SCAMP5: variants seen among roughly 807,000 people sequenced by gnomAD.
SCAMP5 encodes the protein secretory carrier-associated membrane protein 5.
A neutral mutation model predicts 28.3 loss-of-function variants in SCAMP5; 7 were observed. The ratio of observed to expected loss-of-function variants is 0.25; its 90% CI spans 0.14 to 0.46. The LOEUF (loss-of-function observed/expected upper bound fraction) is 0.46, where lower values mean the gene tolerates loss of function less well. Among genes scored for constraint, SCAMP5 ranks in the 20% least tolerant of loss-of-function variants. The pLI is 0.99. For synonymous variants in SCAMP5, 117 were observed against 116.4 expected (o/e 1.00, Z -0.03); for missense variants, 192 against 312.5 (o/e 0.61, Z 2.91).
intron 1 of SCAMP5, among the ~76,000 whole-genome samples, chr15:75,008,109 G>A (rs1015051355): frequency 6.6e-5 from 10 of 151,876 alleles, no homozygotes; most frequent in African/African-American, 2.4e-4. Context: ...TCTTGTCTGT[G>A]AGATTGTTAT....
Position 75,018,811 on chromosome 15 carries a change from G to C in SCAMP5, c.536G>C (p.Ser179Thr). 1 of 1,605,348 alleles carries C rather than the reference G, an allele frequency of 6.2e-7. No individual in the cohort carries two copies. Among genetic ancestry groups the C allele is most frequent in the Non-Finnish European group, 8.5e-7 (1 of 1,177,586 alleles). The change falls in exon 7 of 7, where the codon AGT (serine) becomes ACT (threonine). Residue 179 changes from serine (S) to threonine (T), a missense_variant. Physicochemically the swap from Ser to Thr is moderately conservative, Grantham distance 58 (BLOSUM62 1). Coordinates refer to ENST00000425597, the MANE Select transcript of SCAMP5 (RefSeq NM_138967.4). The surrounding 1 kb of genome is among the most constrained non-coding windows in gnomAD (Gnocchi z 5.6). The part of the protein sequence containing the change: ...LSMVHKFYRG[S>T]GGSFSKAQEE... Reference sequence around the variant, plus strand: ...CAGGTTCATAAATTTTACCGGGGAAGTGGGGGGAGTTTCAGCAAAGCTCAG... The same window carrying C: ...CAGGTTCATAAATTTTACCGGGGAACTGGGGGGAGTTTCAGCAAAGCTCAG...
At chr15:75,015,785 G>A (rs1380028949) in intron 3 of SCAMP5, among the ~76,000 whole-genome samples, 2 of 152,162 alleles carry the variant, frequency 1.3e-5, no homozygotes, top group Admixed American at 6.5e-5. Flanking sequence ...AATTAGCTGG[G>A]CGTGATGGCA....
intron 1 of SCAMP5, among the ~76,000 whole-genome samples, chr15:74,998,053 C>T (rs1473730041): frequency 6.6e-6 from 1 of 152,212 alleles, no homozygotes; most frequent in Non-Finnish European, 1.5e-5. Flanking sequence ...CTGGCCTGAT[C>T]TGAAGCCAGG....
chr15:75,019,524 GCT>G lies in SCAMP5; in HGVS notation c.*544_*545del, dbSNP rs1389413990. ...GGGTACAGGCCAGGGATATTCCCTTGCTCTTTTGATCCCTCCAGGCCTCGCCT... is the reference window on the plus strand; with the variant it reads ...GGGTACAGGCCAGGGATATTCCCTTGCTTTTGATCCCTCCAGGCCTCGCCT... On this transcript the variant is annotated 3_prime_UTR_variant, in exon 7 of 7. Coordinates refer to ENST00000425597, the MANE Select transcript of SCAMP5 (RefSeq NM_138967.4). 1 of 152,872 alleles carries G rather than the reference GCT, an allele frequency of 6.5e-6. No individual in the cohort carries two copies. The highest frequency in any genetic ancestry group is 2.4e-5 in the African/African-American group (1 of 41,446). 9.5% of individuals were successfully genotyped at this position (152,872 alleles called of 1,614,324 possible).
chr15:75,002,183 G>C (rs1316767706), intron 1 of SCAMP5, among the ~76,000 whole-genome samples: 2 of 151,788 alleles, frequency 1.3e-5, no homozygotes, highest in Non-Finnish European at 2.9e-5. Flanking sequence ...CATCCAAGAT[G>C]CTCTCACTGC....
chr15:75,007,362 T>C (rs12900654), intron 1 of SCAMP5, among the ~76,000 whole-genome samples: 129,851 of 152,136 alleles, frequency 0.85, 56,855 homozygotes, highest in East Asian at 0.95. Context: ...AAGAGTAAAC[T>C]TGCTAAAATT....
At chr15:75,013,094 A>T (rs1567028426) in intron 3 of SCAMP5, 2 of 390,394 alleles carry the variant, frequency 5.1e-6, no homozygotes, top group East Asian at 9.7e-5. Flanking sequence ...CCCTCTCTGC[A>T]GTGTAATCCC....
intron 3 of SCAMP5, 35 bp from the exon 4 acceptor site, chr15:75,016,558 T>C: frequency 6.3e-7 from 1 of 1,589,878 alleles, no homozygotes. Flanking sequence ...CCTGGGTGTC[T>C]GTCTCTATGT....
intron 1 of SCAMP5, among the ~76,000 whole-genome samples, chr15:75,002,686 G>C (rs1315444077): frequency 6.6e-6 from 1 of 151,198 alleles, no homozygotes; most frequent in Non-Finnish European, 1.5e-5. Flanking sequence ...GGCTTTCCTC[G>C]TGTCTCATCA....
At chr15:75,007,225 C>T (rs2065768805) in intron 1 of SCAMP5, among the ~76,000 whole-genome samples, 1 of 152,186 alleles carries the variant, frequency 6.6e-6, no homozygotes, top group Non-Finnish European at 1.5e-5. Flanking sequence ...TCTTACCTTT[C>T]CGCGGTCTGA....
chr15:75,012,543 C>T (rs553784007), intron 2 of SCAMP5, 134 bp from the exon 3 acceptor site: 148 of 1,004,740 alleles, frequency 1.5e-4, no homozygotes, highest in East Asian at 1.1e-3. Context: ...GAGGTAGGGA[C>T]GGCTGGGTGG....
chr15:75,008,560 C>T (rs966304421), intron 1 of SCAMP5, among the ~76,000 whole-genome samples: 3 of 150,068 alleles, frequency 2.0e-5, no homozygotes, highest in Non-Finnish European at 3.0e-5. Flanking sequence ...AGTGCAGCAG[C>T]GAAATCTTGG....
At position 75,019,758 on chromosome 15, in the gene SCAMP5, G is replaced by A. The variant is rs1214977360; in HGVS notation, c.*775G>A. The A allele has an allele frequency of 6.5e-6, 1 of 152,678 alleles. No homozygotes were observed. The highest frequency in any genetic ancestry group is 1.5e-5 in the Non-Finnish European group (1 of 68,062). The allele number at this position is 152,678 out of a possible 1,614,324, so 9.5% of individuals were successfully genotyped here. A position where few individuals can be genotyped will look rare whatever the true frequency, so the allele number is the denominator to read the frequency against. ...AGTTCAAGGAAGCTGATGGGGAGCT[G>A]GGCCTTACCCCTGATGTAGGAGGGG... On this transcript the variant is annotated 3_prime_UTR_variant, in exon 7 of 7. Transcript: ENST00000425597.
intron 1 of SCAMP5, among the ~76,000 whole-genome samples, chr15:75,009,590 C>T (rs2065793066): frequency 6.6e-6 from 1 of 152,072 alleles, no homozygotes; most frequent in Non-Finnish European, 1.5e-5. Flanking sequence ...AATCCTCCCA[C>T]TTCAGCCTCC....
At chr15:75,006,643 C>T (rs59307715) in intron 1 of SCAMP5, among the ~76,000 whole-genome samples, 3 of 152,020 alleles carry the variant, frequency 2.0e-5, no homozygotes, top group Admixed American at 2.0e-4. Flanking sequence ...CAAAAAAATT[C>T]GCCAGGTGTG....
At chr15:74,997,848 A>G (rs546599793) in intron 1 of SCAMP5, among the ~76,000 whole-genome samples, 39 of 152,274 alleles carry the variant, frequency 2.6e-4, no homozygotes, top group African/African-American at 8.4e-4. Flanking sequence ...TTTTCTGAGG[A>G]TTATTCATAG....
chr15:75,016,154 T>C (rs531099447), intron 3 of SCAMP5, among the ~76,000 whole-genome samples: 2 of 152,234 alleles, frequency 1.3e-5, no homozygotes, highest in South Asian at 4.1e-4. Flanking sequence ...GGTCAGGGGC[T>C]GAAGCCATTC....
chr15:75,020,782 A>C lies in SCAMP5; in HGVS notation c.*1799A>C, dbSNP rs1879808749. ...CACTTGGCTACTCTGGCCTGGCTTCAGCTTGGAACCCAATACCTAGGCTTA... is the reference window on the plus strand; with the variant it reads ...CACTTGGCTACTCTGGCCTGGCTTCCGCTTGGAACCCAATACCTAGGCTTA... On this transcript the variant is annotated 3_prime_UTR_variant, in exon 7 of 7. Coordinates refer to ENST00000425597, the MANE Select transcript of SCAMP5 (RefSeq NM_138967.4). 6.6e-6 allele frequency: 1 copy of C among 152,148 alleles called. No homozygotes were observed. Among genetic ancestry groups the C allele is most frequent in the African/African-American group, 2.4e-5 (1 of 41,432 alleles). 9.4% of individuals were successfully genotyped at this position (152,148 alleles called of 1,614,324 possible).
At chr15:75,002,066 A>T (rs1015515158) in intron 1 of SCAMP5, among the ~76,000 whole-genome samples, 2 of 151,984 alleles carry the variant, frequency 1.3e-5, no homozygotes, top group Non-Finnish European at 2.9e-5. Context: ...TGATTGCACC[A>T]CCGCACTCCA....
Sources: allele counts gnomAD v4.1 joint callset (sites outside exome capture counted in the v4.1 genomes callset), GRCh38; gene constraint gnomAD v4.1.1; non-coding constraint Gnocchi (gnomAD v3.1); transcripts MANE v1.5; gene names NCBI Gene and HGNC (gene_info 2026-07-23, HGNC 2026-07-21).